Variants in PDE11A observed in about 807,000 individuals in gnomAD.
The protein encoded by PDE11A is phosphodiesterase 11A, also known as dual 3',5'-cyclic-AMP and -GMP phosphodiesterase 11A.
Under a neutral mutation model 100.5 loss-of-function variants are expected in PDE11A, and 100 were observed. That is an observed-to-expected ratio of 1.00 (90% CI 0.85 to 1.18). PDE11A has a LOEUF of 1.18. PDE11A is among the 50% of genes most tolerant of loss of function. PDE11A has a pLI of 0.00. For missense variants in PDE11A, 1,141 were observed against 1,152.6 expected (o/e 0.99, Z 0.15); for synonymous variants, 381 against 420.8 (o/e 0.91, Z 1.16).
At chr2:177,868,159 C>T (rs1167477985) in intron 5 of PDE11A, among the ~76,000 whole-genome samples, 1 of 152,154 alleles carries the variant, frequency 6.6e-6, no homozygotes, top group Non-Finnish European at 1.5e-5. Flanking sequence ...GTCAATAAGG[C>T]ATTGAAACAG....
At chr2:177,796,837 G>A (rs2082714285) in intron 9 of PDE11A, among the ~76,000 whole-genome samples, 1 of 152,154 alleles carries the variant, frequency 6.6e-6, no homozygotes, top group Non-Finnish European at 1.5e-5. Context: ...TGGGGTAACT[G>A]ACCTGAGTCA....
chr2:177,830,173 A>G (rs938612848), intron 6 of PDE11A, among the ~76,000 whole-genome samples: 2 of 152,216 alleles, frequency 1.3e-5, no homozygotes, highest in African/African-American at 4.8e-5. Context: ...AATGATCTTT[A>G]AAAAGAACGC....
chr2:177,911,905 T>C (rs2084886619), intron 2 of PDE11A, among the ~76,000 whole-genome samples: 1 of 151,186 alleles, frequency 6.6e-6, no homozygotes, highest in African/African-American at 2.4e-5. Context: ...AAAATTGTAA[T>C]GGAATAGATG....
At chr2:177,652,769 G>A (rs548647955) in intron 19 of PDE11A, among the ~76,000 whole-genome samples, 2 of 152,308 alleles carry the variant, frequency 1.3e-5, no homozygotes, top group African/African-American at 4.8e-5. Flanking sequence ...AGGCATTTTG[G>A]CCTTGTTTTA....
chr2:177,926,280 T>C (rs1431933986), intron 2 of PDE11A, among the ~76,000 whole-genome samples: 2 of 152,230 alleles, frequency 1.3e-5, no homozygotes, highest in Non-Finnish European at 2.9e-5. Context: ...CTACTAAATT[T>C]TTTTAAAGTT....
At chr2:177,953,202 A>G (rs1223200540) in intron 2 of PDE11A, 1 of 152,206 alleles carries the variant, frequency 6.6e-6, no homozygotes, top group Non-Finnish European at 1.5e-5. Flanking sequence ...AAACAAACAA[A>G]CAAATAAAAA....
chr2:177,631,536 TATATATATATACAC>T (rs1559117306), intron 19 of PDE11A, among the ~76,000 whole-genome samples: 5 of 20,366 alleles, frequency 2.5e-4, no homozygotes, highest in African/African-American at 4.4e-4. Context: ...TATATATATA[TATATATATATACAC>T]ATGTATATAT....
At chr2:177,945,553 G>A (rs532867743) in intron 2 of PDE11A, among the ~76,000 whole-genome samples, 60 of 149,570 alleles carry the variant, frequency 4.0e-4, no homozygotes, top group Non-Finnish European at 7.0e-4. Flanking sequence ...CAGCCGCCCC[G>A]TCTGAGAAGT....
At position 177,704,872 on chromosome 2, in the gene PDE11A, C is replaced by T. The variant is rs997911640; in HGVS notation, c.2154-3661G>A. Among the ~76,000 whole-genome samples the T allele has an allele frequency of 2.6e-5, 4 of 152,074 alleles. 1 individual carries two copies. The South Asian group carries it at 6.2e-4, about 24-fold the overall frequency. ...CCTCTTTTTTTTTGAGACGGAATCTCGCCTGTCACCCAGGCTGGAGTGCAA... is the reference window on the plus strand; with the variant it reads ...CCTCTTTTTTTTTGAGACGGAATCTTGCCTGTCACCCAGGCTGGAGTGCAA... On this transcript the variant is annotated intron_variant, in intron 13 of 19. Transcript: ENST00000286063.
In PDE11A at chr2:177,997,373, G is replaced by A. The variant is rs2086088784; in HGVS notation, c.1071+16929C>T. ...TTCTGCTGAAGATTTCTGGGGTGGT[G>A]AACCTGAAGTTGTATATTCACTGGC... is the stretch of plus-strand genomic sequence containing the variant. On this transcript the variant is annotated intron_variant, in intron 2 of 19. Coordinates refer to ENST00000286063, the MANE Select transcript of PDE11A (RefSeq NM_016953.4). 7 of 834,452 alleles carry A rather than the reference G, an allele frequency of 8.4e-6. No individual in the cohort carries two copies. In the African/African-American group the frequency reaches 1.2e-4, roughly 14 times the overall value. The allele number at this position is 834,452 out of a possible 1,614,324, so 51.7% of individuals were successfully genotyped here.
chr2:178,018,766 T>C (rs1178478275), intron 1 of PDE11A, among the ~76,000 whole-genome samples: 1 of 152,178 alleles, frequency 6.6e-6, no homozygotes, highest in Non-Finnish European at 1.5e-5. Context: ...CAGTCTGGTC[T>C]CAAATTACTG....
intron 2 of PDE11A, among the ~76,000 whole-genome samples, chr2:177,979,088 A>AG (rs2085845194): frequency 7.1e-6 from 1 of 141,104 alleles, no homozygotes; most frequent in African/African-American, 3.0e-5. Flanking sequence ...AAAAAAAAAA[A>AG]AAAAAAGAAA....
intron 19 of PDE11A, among the ~76,000 whole-genome samples, chr2:177,656,435 G>A (rs527363750): frequency 2.6e-5 from 4 of 152,292 alleles, no homozygotes; most frequent in East Asian, 1.9e-4. Context: ...TTTGCATGAC[G>A]AAATTGTCAA....
intron 12 of PDE11A, among the ~76,000 whole-genome samples, chr2:177,715,040 C>T (rs777852697): frequency 7.2e-5 from 11 of 152,204 alleles, no homozygotes; most frequent in Non-Finnish European, 1.3e-4. Flanking sequence ...TCATTTACTC[C>T]CTCATTTTAC....
intron 1 of PDE11A, among the ~76,000 whole-genome samples, chr2:178,063,453 T>C (rs1213889106): frequency 6.6e-6 from 1 of 152,144 alleles, no homozygotes; most frequent in Non-Finnish European, 1.5e-5. Flanking sequence ...TGGCACACTG[T>C]GCAGGGCCGC....
intron 3 of PDE11A, among the ~76,000 whole-genome samples, chr2:177,902,695 C>T (rs1300622244): frequency 6.6e-6 from 1 of 152,164 alleles, no homozygotes; most frequent in Non-Finnish European, 1.5e-5. Context: ...AAATCTTAAT[C>T]TCCAGTCCTG....
intron 12 of PDE11A, among the ~76,000 whole-genome samples, chr2:177,725,309 C>T (rs1046789515): frequency 5.9e-5 from 9 of 152,064 alleles, no homozygotes; most frequent in Non-Finnish European, 8.8e-5. Context: ...AAGATACTTA[C>T]GTTAGAGAGA....
intron 15 of PDE11A, among the ~76,000 whole-genome samples, chr2:177,686,063 G>C (rs1218885668): frequency 6.6e-6 from 1 of 152,138 alleles, no homozygotes; most frequent in Admixed American, 6.5e-5. Flanking sequence ...AGTATTCCTA[G>C]GGAACAGTGA....
chr2:177,805,351 A>C (rs937929970), intron 9 of PDE11A, among the ~76,000 whole-genome samples: 1 of 151,924 alleles, frequency 6.6e-6, no homozygotes, highest in Non-Finnish European at 1.5e-5. Context: ...GTTTGCCTCC[A>C]CATTCTAAGC....
Sources: gnomAD v4.1 joint callset for allele counts (sites outside exome capture counted in the v4.1 genomes callset) on GRCh38, gnomAD v4.1.1 for gene constraint, MANE v1.5 for transcripts, NCBI Gene and HGNC (gene_info 2026-07-23, HGNC 2026-07-21) for gene names.